CACNA2D3: variants seen among roughly 807,000 people sequenced by gnomAD.
The protein encoded by CACNA2D3 is calcium voltage-gated channel auxiliary subunit alpha2delta 3.
In CACNA2D3, 60 loss-of-function variants were observed where a neutral mutation model predicts 160.6. That is an observed-to-expected ratio of 0.37 (90% CI 0.30 to 0.46). CACNA2D3 has a LOEUF of 0.46. Ranked by LOEUF, CACNA2D3 falls within the 20% of genes least tolerant of loss-of-function variation. The pLI is 1.00. For missense variants in CACNA2D3, 1,205 were observed against 1,365.0 expected, an observed-to-expected ratio of 0.88 and a Z score of 1.85; for synonymous variants, 558 against 492.9, an observed-to-expected ratio of 1.13 and a Z score of -1.75.
At chr3:54,255,413 A>G (rs1299851992) in intron 2 of CACNA2D3, among the ~76,000 whole-genome samples, 3 of 152,208 alleles carry the variant, frequency 2.0e-5, no homozygotes, top group African/African-American at 2.4e-5. Flanking sequence ...AAAGACTTGC[A>G]CTGGCAAATG....
chr3:54,879,181 T>A (rs1452819054), intron 19 of CACNA2D3, 92 bp downstream of exon 19: 3 of 926,390 alleles, frequency 3.2e-6, no homozygotes, highest in Non-Finnish European at 4.9e-6. Flanking sequence ...TAAATATCTT[T>A]CGCTGAGATC....
At chr3:54,477,216 C>G (rs1490707227) in intron 4 of CACNA2D3, among the ~76,000 whole-genome samples, 1 of 151,750 alleles carries the variant, frequency 6.6e-6, no homozygotes, top group Non-Finnish European at 1.5e-5. Flanking sequence ...CATAGAGTAC[C>G]TATAACCTAA....
intron 2 of CACNA2D3, among the ~76,000 whole-genome samples, chr3:54,241,204 A>G (rs1701968016): frequency 1.3e-5 from 2 of 152,200 alleles, no homozygotes; most frequent in African/African-American, 4.8e-5. Context: ...TAAGAGAAAT[A>G]TGAACACTTA....
In CACNA2D3 at chr3:54,320,526, G is replaced by A; in HGVS notation, c.289G>A (p.Glu97Lys). 3 of 1,566,634 alleles carry A rather than the reference G, an allele frequency of 1.9e-6. No homozygotes were observed. The highest frequency in any genetic ancestry group is 1.9e-5 in the Admixed American group (1 of 52,876). ...LVKKLAKNME[E>K]MFHKKSEAVR... ...AAAGAAGCTGGCAAAGAACATGGAA[G>A]AGATGTTTCACAAGAAGTCTGAGGC... Residue 97 changes from glutamate to lysine, a missense_variant, in exon 3 of 38, where the codon GAG becomes AAG. Around this residue, in one of 3 missense-constraint regions of CACNA2D3, gnomAD observed 163 missense variants for 161.3 expected, o/e 1.01. Transcript: ENST00000474759.
At chr3:54,482,953 G>A (rs1235787232) in intron 4 of CACNA2D3, among the ~76,000 whole-genome samples, 2 of 152,132 alleles carry the variant, frequency 1.3e-5, no homozygotes, top group Non-Finnish European at 2.9e-5. Flanking sequence ...AATTACAAGG[G>A]ATGCTGGGAA....
chr3:54,360,569 T>C (rs1461913917), intron 3 of CACNA2D3, among the ~76,000 whole-genome samples: 1 of 152,108 alleles, frequency 6.6e-6, no homozygotes, highest in Non-Finnish European at 1.5e-5. Flanking sequence ...ACTTAAGCTA[T>C]CAATCGTTAC....
At chr3:54,667,161 T>C (rs945650265) in intron 11 of CACNA2D3, among the ~76,000 whole-genome samples, 2 of 152,238 alleles carry the variant, frequency 1.3e-5, no homozygotes, top group African/African-American at 4.8e-5. Flanking sequence ...ACATGAACAC[T>C]GTTTTAAAAC....
intron 3 of CACNA2D3, among the ~76,000 whole-genome samples, chr3:54,344,490 A>G (rs1698421657): frequency 6.6e-6 from 1 of 152,188 alleles, no homozygotes; most frequent in Non-Finnish European, 1.5e-5. Context: ...TGGCAACGAG[A>G]AATCATTTAT....
At chr3:54,330,842 T>A (rs1167505548) in intron 3 of CACNA2D3, among the ~76,000 whole-genome samples, 2 of 152,108 alleles carry the variant, frequency 1.3e-5, no homozygotes, top group African/African-American at 2.4e-5. Context: ...GTGCTGGGAG[T>A]CTGTCATTGC....
chr3:54,911,100 C>T (rs1184180253), intron 27 of CACNA2D3, among the ~76,000 whole-genome samples: 1 of 152,128 alleles, frequency 6.6e-6, no homozygotes, highest in African/African-American at 2.4e-5. Flanking sequence ...TCGTTTCATT[C>T]ATAAATACGT....
intron 29 of CACNA2D3, among the ~76,000 whole-genome samples, chr3:54,975,547 A>C (rs1184055280): frequency 6.8e-6 from 1 of 147,810 alleles, no homozygotes; most frequent in Non-Finnish European, 1.5e-5. Flanking sequence ...AAAAAAAAAA[A>C]CAACGTGGCC....
At chr3:54,726,182 TACTC>T (rs1008963530) in intron 11 of CACNA2D3, among the ~76,000 whole-genome samples, 6 of 152,036 alleles carry the variant, frequency 3.9e-5, no homozygotes, top group African/African-American at 7.2e-5. Flanking sequence ...GAGAATAAAA[TACTC>T]AGGAATACAA....
intron 4 of CACNA2D3, among the ~76,000 whole-genome samples, chr3:54,392,554 G>GATA (rs1699299796): frequency 6.6e-6 from 1 of 152,172 alleles, no homozygotes; most frequent in Non-Finnish European, 1.5e-5. Flanking sequence ...CATTCAGAGG[G>GATA]ATAACAGGTA....
intron 11 of CACNA2D3, among the ~76,000 whole-genome samples, chr3:54,697,617 A>G (rs1438401652): frequency 1.3e-5 from 2 of 152,050 alleles, no homozygotes; most frequent in African/African-American, 2.4e-5. Context: ...AAGGTGCCCC[A>G]CACTCCTGTG....
rs1704864575 is a variant in CACNA2D3, at chr3:55,073,496, G to A, written c.3039G>A (p.Val1013=). 1.9e-6 allele frequency: 3 copies of A among 1,613,908 alleles called. No individual in the cohort carries two copies. The highest frequency in any genetic ancestry group is 2.5e-6 in the Non-Finnish European group (3 of 1,179,870). ...IPSSNLFMVV[V]DSSCLCESVA... is the part of the protein sequence containing the mutation. ...GCAGCAACCTGTTCATGGTGGTGGT[G>A]GACAGCAGCTGCCTCTGTGAATCTG... Residue 1013 remains valine (V), a synonymous_variant, in exon 36 of 38, where the codon GTG becomes GTA. Coordinates refer to ENST00000474759, the MANE Select transcript of CACNA2D3 (RefSeq NM_018398.3).
intron 11 of CACNA2D3, among the ~76,000 whole-genome samples, chr3:54,645,991 G>A (rs551870088): frequency 5.9e-5 from 9 of 151,822 alleles, no homozygotes; most frequent in Non-Finnish European, 1.3e-4. Context: ...CTTCTGTGTG[G>A]GCAGGACCTG....
At chr3:54,857,233 A>G (rs1470778531) in intron 17 of CACNA2D3, among the ~76,000 whole-genome samples, 1 of 152,210 alleles carries the variant, frequency 6.6e-6, no homozygotes. Flanking sequence ...CAGATTTTCA[A>G]AGAAGGGTAG....
intron 6 of CACNA2D3, among the ~76,000 whole-genome samples, chr3:54,563,270 CTGT>C (rs1466350372): frequency 6.6e-6 from 1 of 152,148 alleles, no homozygotes; most frequent in Non-Finnish European, 1.5e-5. Context: ...AATACTGCTG[CTGT>C]TATTGCTATA....
intron 2 of CACNA2D3, among the ~76,000 whole-genome samples, chr3:54,203,451 G>C (rs1701212516): frequency 6.6e-6 from 1 of 152,192 alleles, no homozygotes; most frequent in Admixed American, 6.5e-5. Flanking sequence ...TAGGCAGCTT[G>C]TGTTAGCTCA....
Sources: gnomAD v4.1 joint callset for allele counts (sites outside exome capture counted in the v4.1 genomes callset) on GRCh38, gnomAD v4.1.1 for gene constraint, gnomAD v4.1.1 regional missense constraint, MANE v1.5 for transcripts, NCBI Gene and HGNC (gene_info 2026-07-23, HGNC 2026-07-21) for gene names.